Variants in CAST observed in about 807,000 individuals in gnomAD.
The protein encoded by CAST is MIR583 host.
Under a neutral mutation model 119.6 loss-of-function variants are expected in CAST, and 76 were observed. The observed-to-expected ratio is 0.64, with a 90% confidence interval of 0.53 to 0.77. The LOEUF is 0.77. CAST is among the 30% of genes least tolerant of loss of function. The pLI, the probability that CAST is intolerant of heterozygous loss-of-function variation, is 0.00. For missense variants in CAST, 953 were observed against 946.5 expected (o/e 1.01, Z -0.09); for synonymous variants, 319 against 331.6 (o/e 0.96, Z 0.41).
At chr5:96,473,003 A>T in the CAST span, among the ~76,000 whole-genome samples, 3 of 152,176 alleles carry the variant, frequency 2.0e-5, no homozygotes. Context: ...CTCTGCTCCC[A>T]TAGCCACATG....
At chr5:96,599,973 A>AAAAAAAAAAAAAAAAG (rs1319922230) in intron 1 of CAST, among the ~76,000 whole-genome samples, 1 of 90,082 alleles carries the variant, frequency 1.1e-5, no homozygotes, top group Non-Finnish European at 3.1e-5. Flanking sequence ...AGGCAAAAAA[A>AAAAAAAAAAAAAAAAG]AAAAAAAAAA....
intron 3 of CAST, among the ~76,000 whole-genome samples, chr5:96,705,248 G>T (rs572626995): frequency 1.7e-4 from 26 of 152,208 alleles, no homozygotes; most frequent in African/African-American, 6.0e-4. Context: ...GAGCCTGGGA[G>T]GTTAAATTGT....
chr5:96,663,117 G>A (rs1386841498), intron 1 of CAST: 1 of 702,574 alleles, frequency 1.4e-6, no homozygotes, highest in Admixed American at 2.0e-5. Flanking sequence ...CGTGCGGATC[G>A]GAGCCAGCCG....
the CAST span, among the ~76,000 whole-genome samples, chr5:96,473,212 CCA>C: frequency 3.9e-5 from 6 of 152,236 alleles, no homozygotes; most frequent in African/African-American, 1.4e-4. Context: ...GACACCCACT[CCA>C]GTCACTGTCC....
chr5:96,379,540 A>G, the CAST span: 3 of 152,076 alleles, frequency 2.0e-5, no homozygotes, highest in East Asian at 5.8e-4. Context: ...GAATGTAAAA[A>G]CCTTTTACAA....
At chr5:96,316,798 C>G in the CAST span, among the ~76,000 whole-genome samples, 1 of 152,256 alleles carries the variant, frequency 6.6e-6, no homozygotes, top group South Asian at 2.1e-4. Context: ...GAAATAAGAC[C>G]ACACCTGGGT....
chr5:96,241,622 C>T, the CAST span, among the ~76,000 whole-genome samples: 1 of 143,212 alleles, frequency 7.0e-6, no homozygotes, highest in Non-Finnish European at 1.6e-5. Context: ...AGTTCTAGAT[C>T]CCTGAGGAAT....
chr5:96,530,294 G>A (rs1402489896), intron 1 of CAST, among the ~76,000 whole-genome samples: 1 of 152,054 alleles, frequency 6.6e-6, no homozygotes, highest in Non-Finnish European at 1.5e-5. Context: ...CATGCAAATA[G>A]AGAAGAAAAC....
At chr5:96,163,684 C>A in the CAST span, among the ~76,000 whole-genome samples, 2 of 152,184 alleles carry the variant, frequency 1.3e-5, no homozygotes, top group Non-Finnish European at 2.9e-5. Context: ...CTTAGGACAT[C>A]CTTAGTACCA....
the CAST span, among the ~76,000 whole-genome samples, chr5:96,188,662 T>C: frequency 6.6e-6 from 1 of 152,140 alleles, no homozygotes; most frequent in African/African-American, 2.4e-5. Context: ...AGCTATACCT[T>C]TTCTTTCACA....
the CAST span, among the ~76,000 whole-genome samples, chr5:96,431,094 A>C: frequency 2.0e-5 from 3 of 152,098 alleles, no homozygotes; most frequent in African/African-American, 7.2e-5. Flanking sequence ...TACACAATTA[A>C]ATCCCCAGTG....
the CAST span, among the ~76,000 whole-genome samples, chr5:96,165,337 A>G: frequency 6.6e-6 from 1 of 152,128 alleles, no homozygotes. Flanking sequence ...GGGTAGATAG[A>G]CTAAGGATGG....
chr5:96,677,881 A>G (rs972330176), intron 2 of CAST, among the ~76,000 whole-genome samples: 1 of 152,112 alleles, frequency 6.6e-6, no homozygotes, highest in Non-Finnish European at 1.5e-5. Flanking sequence ...GCCTGTATGT[A>G]TTTGTTAAGG....
intron 1 of CAST, among the ~76,000 whole-genome samples, chr5:96,602,781 T>C (rs1029482824): frequency 6.6e-6 from 1 of 152,218 alleles, no homozygotes; most frequent in South Asian, 2.1e-4. Flanking sequence ...AGGGTCATGA[T>C]AAACTTATGG....
chr5:96,360,376 C>A, the CAST span, among the ~76,000 whole-genome samples: 3 of 152,074 alleles, frequency 2.0e-5, no homozygotes, highest in Admixed American at 2.0e-4. Flanking sequence ...TGTTCCCTTC[C>A]TGGTGAGTAG....
chr5:96,345,953 G>A, the CAST span, among the ~76,000 whole-genome samples: 1 of 152,152 alleles, frequency 6.6e-6, no homozygotes, highest in Non-Finnish European at 1.5e-5. Flanking sequence ...TCTATTTATT[G>A]GAAGCAAAAG....
At chr5:95,988,789 T>C in the CAST span, among the ~76,000 whole-genome samples, 1 of 152,204 alleles carries the variant, frequency 6.6e-6, no homozygotes, top group African/African-American at 2.4e-5. Flanking sequence ...ATAAACTCTT[T>C]AGAATAGAAT....
At chr5:96,021,476 C>T in the CAST span, among the ~76,000 whole-genome samples, 66 of 151,370 alleles carry the variant, frequency 4.4e-4, 2 homozygotes, top group East Asian at 8.3e-3. Flanking sequence ...GATGGAGTCT[C>T]GCTCTGTTGC....
chr5:96,065,024 T>C, the CAST span, among the ~76,000 whole-genome samples: 1 of 152,124 alleles, frequency 6.6e-6, no homozygotes, highest in African/African-American at 2.4e-5. Context: ...GGATTAAACA[T>C]TTTAAAAGCT....
Sources: gnomAD v4.1 joint callset for allele counts (sites outside exome capture counted in the v4.1 genomes callset) on GRCh38, gnomAD v4.1.1 for gene constraint, MANE v1.5 for transcripts, NCBI Gene and HGNC (gene_info 2026-07-23, HGNC 2026-07-21) for gene names.